FAP: variants seen among roughly 807,000 people sequenced by gnomAD.
The protein encoded by FAP is prolyl endopeptidase FAP.
A neutral mutation model predicts 126.5 loss-of-function variants in FAP; 110 were observed. The observed-to-expected ratio is 0.87, with a 90% confidence interval of 0.74 to 1.02. The LOEUF (loss-of-function observed/expected upper bound fraction) is 1.02, where lower values mean the gene tolerates loss of function less well. Among genes scored for constraint, FAP ranks in the 50% least tolerant of loss-of-function variants. The pLI, the probability that FAP is intolerant of heterozygous loss-of-function variation, is 0.00. For missense variants in FAP, 919 were observed against 909.2 expected, an observed-to-expected ratio of 1.01 and a Z score of -0.14; for synonymous variants, 334 against 297.3, an observed-to-expected ratio of 1.12 and a Z score of -1.27.
chr2:162,231,669 G>A (rs1689906601), intron 2 of FAP, among the ~76,000 whole-genome samples: 1 of 152,160 alleles, frequency 6.6e-6, no homozygotes, highest in South Asian at 2.1e-4. Flanking sequence ...ACAATTCACA[G>A]AAATGATTCA....
At chr2:162,201,743 G>A (rs539198742) in intron 14 of FAP, among the ~76,000 whole-genome samples, 10 of 152,170 alleles carry the variant, frequency 6.6e-5, no homozygotes, top group African/African-American at 1.9e-4. Context: ...TGTGTCAGGC[G>A]CTGTGCTAAG....
In FAP at chr2:162,202,862, C is replaced by T. The variant is rs757059565; in HGVS notation, c.1223+10G>A. The T allele has an allele frequency of 7.5e-6, 12 of 1,608,576 alleles. No individual in the cohort carries two copies. In the South Asian group the frequency reaches 1.2e-4, roughly 16 times the overall value. On this transcript the variant is annotated intron_variant, in intron 14 of 25. Transcript: ENST00000188790. ...CCTGAATGGTGCATCGTGCTTCGTG[C>T]AATACTTACAGTGAATCCTGTGTTA... is the stretch of plus-strand genomic sequence containing the variant.
At position 162,170,956 on chromosome 2, in the gene FAP, A is replaced by G; in HGVS notation, c.*23T>C. 6.4e-7 allele frequency: 1 copy of G among 1,567,370 alleles called. No homozygotes were observed. Among genetic ancestry groups the G allele is most frequent in the South Asian group, 1.1e-5 (1 of 89,730 alleles). On this transcript the variant is annotated 3_prime_UTR_variant, in exon 26 of 26. Coordinates refer to ENST00000188790, the MANE Select transcript of FAP (RefSeq NM_004460.5). Reference sequence around the variant, plus strand: ...TTATATAAGGTTTTCAGATTCTGATACAGGCTTGCATCTGCATCGTTTTTA... The same window carrying G: ...TTATATAAGGTTTTCAGATTCTGATGCAGGCTTGCATCTGCATCGTTTTTA...
chr2:162,235,561 T>C (rs1048066502), intron 2 of FAP, among the ~76,000 whole-genome samples: 5 of 152,204 alleles, frequency 3.3e-5, no homozygotes, highest in Non-Finnish European at 7.3e-5. Context: ...AACTTTTGTG[T>C]CTGGCTCAGG....
At chr2:162,181,547 T>C (rs1687696921) in intron 21 of FAP, among the ~76,000 whole-genome samples, 1 of 152,192 alleles carries the variant, frequency 6.6e-6, no homozygotes, top group Non-Finnish European at 1.5e-5. Context: ...CTGCCTGGAA[T>C]GCTCCGTTCC....
intron 12 of FAP, among the ~76,000 whole-genome samples, chr2:162,207,008 C>T (rs2106255613): frequency 6.6e-6 from 1 of 152,200 alleles, no homozygotes; most frequent in South Asian, 2.1e-4. Flanking sequence ...TCAAAAATAG[C>T]TTTTAAAATT....
Position 162,219,878 on chromosome 2 carries a change from C to T in FAP, c.461G>A (p.Cys154Tyr). ...TAATTTACTCCCAACAGGCGACCAG[C>T]ATAAATACTGAATTGGACGAGGAAG... ...NELPRPIQYL[C>Y]WSPVGSKLAY... The change falls in exon 7 of 26, where the codon TGC becomes TAC. Residue 154 changes from cysteine to tyrosine, a missense_variant. Cys to Tyr is a radical substitution (Grantham distance 194, BLOSUM62 -2). Coordinates refer to ENST00000188790, the MANE Select transcript of FAP (RefSeq NM_004460.5). The T allele has an allele frequency of 6.2e-7, 1 of 1,612,000 alleles. No individual in the cohort carries two copies. Among genetic ancestry groups the T allele is most frequent in the East Asian group, 2.2e-5 (1 of 44,824 alleles).
rs754677765 is a variant in FAP at position 162,215,951 on chromosome 2, G to A, written c.813C>T (p.Tyr271=). The change falls in exon 10 of 26, where the codon TAC becomes TAT. Residue 271 remains tyrosine, a synonymous_variant. Transcript: ENST00000188790. The part of the protein sequence containing the change: ...VVRIFIIDTT[Y]PAYVGPQEVP... ...CTTCCTGGGGACCTACATACGCAGG[G>A]TAAGTGGTATCGATAATAAATATCC... is the stretch of plus-strand genomic sequence containing the variant. 23 of 1,613,980 alleles carry A rather than the reference G, an allele frequency of 1.4e-5. No homozygotes were observed. The Admixed American group carries it at 3.3e-4, about 23-fold the overall frequency.
At chr2:162,201,662 T>G (rs1027888312) in intron 14 of FAP, among the ~76,000 whole-genome samples, 2 of 152,174 alleles carry the variant, frequency 1.3e-5, no homozygotes, top group Admixed American at 1.3e-4. Context: ...ACCAGTCCTG[T>G]TTAGCCTCCA....
At chr2:162,200,697 A>G (rs1688462895) in intron 14 of FAP, 78 bp from the exon 15 acceptor site, 2 of 651,474 alleles carry the variant, frequency 3.1e-6, no homozygotes, top group Admixed American at 3.3e-5. Flanking sequence ...CTAATATAGT[A>G]TCAATATAGG....
intron 14 of FAP, among the ~76,000 whole-genome samples, chr2:162,201,714 A>G (rs1455500249): frequency 1.3e-5 from 2 of 152,082 alleles, no homozygotes; most frequent in African/African-American, 2.4e-5. Flanking sequence ...CCATTTAGAG[A>G]ATGTGTATTG....
chr2:162,203,688 G>C (rs1200215176), intron 12 of FAP, among the ~76,000 whole-genome samples: 1 of 152,112 alleles, frequency 6.6e-6, no homozygotes, highest in African/African-American at 2.4e-5. Context: ...CTATGTTGGG[G>C]GAGGTTTACT....
chr2:162,177,593 A>G (rs1457201605), intron 21 of FAP, among the ~76,000 whole-genome samples: 1 of 152,128 alleles, frequency 6.6e-6, no homozygotes, highest in Non-Finnish European at 1.5e-5. Flanking sequence ...GTCATCTCAA[A>G]TGAGCCTTCT....
intron 11 of FAP, among the ~76,000 whole-genome samples, chr2:162,212,737 A>T (rs958466128): frequency 6.6e-6 from 1 of 152,142 alleles, no homozygotes; most frequent in Non-Finnish European, 1.5e-5. Flanking sequence ...TTTTAATGAA[A>T]CATTTCTTCA....
Position 162,206,511 on chromosome 2 carries a change from A to T in FAP, c.1048-3366T>A, listed in dbSNP as rs567522033. On this transcript the variant is annotated intron_variant, in intron 12 of 25. Coordinates refer to ENST00000188790, the MANE Select transcript of FAP (RefSeq NM_004460.5). ...AAAGCACAAGCTTTCAAGCATCAAG[A>T]AGAAAATTCATTTTTTTTTGAACCA... Among the ~76,000 whole-genome samples the T allele has an allele frequency of 7.9e-5, 12 of 151,280 alleles. No individual in the cohort carries two copies. In the East Asian group the frequency reaches 2.3e-3, roughly 29 times the overall value.
chr2:162,213,422 AAC>A (rs1689038020), intron 11 of FAP, among the ~76,000 whole-genome samples: 1 of 150,610 alleles, frequency 6.6e-6, no homozygotes, highest in South Asian at 2.1e-4. Flanking sequence ...ACAAAAAACA[AAC>A]AAAAAAAAAA....
intron 21 of FAP, among the ~76,000 whole-genome samples, chr2:162,180,916 C>G (rs977416116): frequency 6.6e-6 from 1 of 151,882 alleles, no homozygotes; most frequent in Admixed American, 6.6e-5. Flanking sequence ...AAGGGTTTGC[C>G]GAAGGAAAGG....
chr2:162,221,924 T>C (rs887439316), intron 6 of FAP, among the ~76,000 whole-genome samples: 1 of 152,078 alleles, frequency 6.6e-6, no homozygotes, highest in Non-Finnish European at 1.5e-5. Context: ...CCATCCATCC[T>C]TCACTTCCTA....
chr2:162,220,122 T>G (rs756270539), intron 6 of FAP, among the ~76,000 whole-genome samples, 197 bp from the exon 7 acceptor site: 2 of 152,226 alleles, frequency 1.3e-5, no homozygotes, highest in Non-Finnish European at 2.9e-5. Flanking sequence ...CAGTAGTTAC[T>G]TAAAAGTCAC....
Sources: gnomAD v4.1 joint callset for allele counts (sites outside exome capture counted in the v4.1 genomes callset) on GRCh38, gnomAD v4.1.1 for gene constraint, MANE v1.5 for transcripts, NCBI Gene and HGNC (gene_info 2026-07-23, HGNC 2026-07-21) for gene names.